The following RBM4 variants were observed in gnomAD, a reference collection of about 807,000 sequenced individuals.
The protein encoded by RBM4 is RNA binding motif protein 4.
Under a neutral mutation model 29.5 loss-of-function variants are expected in RBM4, and 7 were observed. The ratio of observed to expected loss-of-function variants is 0.24; its 90% confidence interval spans 0.14 to 0.45. The LOEUF (loss-of-function observed/expected upper bound fraction) is 0.45, where lower values mean the gene tolerates loss of function less well. RBM4 is among the 20% of genes least tolerant of loss of function. The pLI is 1.00. For missense variants in RBM4, 387 were observed against 502.3 expected, an observed-to-expected ratio of 0.77 and a Z score of 2.19; for synonymous variants, 220 against 205.4, an observed-to-expected ratio of 1.07 and a Z score of -0.61.
chr11:66,662,899 C>T (rs780069530), intron 2 of RBM4, among the ~76,000 whole-genome samples: 10 of 152,136 alleles, frequency 6.6e-5, no homozygotes, highest in East Asian at 3.9e-4. Flanking sequence ...GGAATACTGA[C>T]GCTAACATGA....
rs750444318 is a variant in RBM4, at chr11:66,643,832, C to T, written c.795C>T (p.Thr265=). ...ATACAGCCATGGCCAGTCACCTCAC[C>T]TCCACCTCTCTCGATCCCTACGATA... ...VQNTAMASHL[T]STSLDPYDRH... is the part of the protein sequence containing the mutation. The change falls in exon 3 of 4, where the codon ACC becomes ACT. Residue 265 remains threonine (T), a synonymous_variant. Transcript: ENST00000310092. The surrounding 1 kb of genome is among the most constrained non-coding windows in gnomAD (Gnocchi z 6.1). 1.7e-5 allele frequency: 28 copies of T among 1,613,900 alleles called. No individual in the cohort carries two copies. Among genetic ancestry groups the T allele is most frequent in the Non-Finnish European group, 2.3e-5 (27 of 1,180,012 alleles).
chr11:66,652,083 C>T (rs481296), intron 2 of RBM4, among the ~76,000 whole-genome samples: 102,283 of 151,938 alleles, frequency 0.67, 35,590 homozygotes, highest in South Asian at 0.83. Flanking sequence ...GTGGGTAATA[C>T]GTATAAGAGC....
intron 2 of RBM4, among the ~76,000 whole-genome samples, chr11:66,653,819 C>CTT (rs58736660): frequency 2.2e-5 from 3 of 135,298 alleles, no homozygotes; most frequent in South Asian, 2.3e-4. Context: ...TTTTTTTTTT[C>CTT]TTTTTTTTTT....
At chr11:66,648,337 A>G (rs1035712767), downstream of RBM4, among the ~76,000 whole-genome samples, 2 of 149,100 alleles carry the variant, frequency 1.3e-5, no homozygotes, top group African/African-American at 5.0e-5. Flanking sequence ...CCTGGGCAAC[A>G]TGGTGAAACC....
intron 2 of RBM4, 131 bp downstream of exon 2, chr11:66,640,254 G>A: frequency 8.1e-7 from 1 of 1,233,056 alleles, no homozygotes; most frequent in East Asian, 2.5e-5. Context: ...AAGTGTGGGT[G>A]ATGGACTTCT....
At position 66,643,777 on chromosome 11, in the gene RBM4, A is replaced by G; in HGVS notation, c.740A>G (p.Gln247Arg). The change falls in exon 3 of 4, where the codon CAG (glutamine) becomes CGG (arginine). Residue 247 changes from glutamine (Q) to arginine (R), a missense_variant. By Grantham distance (43) the Gln-to-Arg change is conservative. Around this residue, in one of 2 missense-constraint regions of RBM4, gnomAD observed 281 missense variants for 288.7 expected, o/e 0.97. Transcript: ENST00000310092. This position sits in a 1 kb window ranked among gnomAD's most constrained non-coding sequence, Gnocchi z 6.1. ...GCCTCCGTGTATAATTACGCAGAGC[A>G]GACCCTGTCCCAGCTGCCACAAGTC... ...AAASVYNYAEQTLSQLPQVQN... is the reference protein window; with the variant it reads ...AAASVYNYAERTLSQLPQVQN... The G allele has an allele frequency of 6.2e-7, 1 of 1,614,048 alleles. No homozygotes were observed. Among genetic ancestry groups the G allele is most frequent in the Non-Finnish European group, 8.5e-7 (1 of 1,180,010 alleles).
chr11:66,666,283 C>T, exon 3 of RBM4: 1 of 1,096,436 alleles, frequency 9.1e-7, no homozygotes, highest in Non-Finnish European at 1.1e-6. Flanking sequence ...CCAAGTTCCT[C>T]TACTTATTAC....
chr11:66,649,337 C>A (rs1938776093), downstream of RBM4, among the ~76,000 whole-genome samples: 4 of 152,174 alleles, frequency 2.6e-5, no homozygotes. Flanking sequence ...AAAACTCTAT[C>A]AAGAACAATG....
intron 2 of RBM4, among the ~76,000 whole-genome samples, chr11:66,655,205 C>T (rs1399841637): frequency 6.6e-6 from 1 of 152,014 alleles, no homozygotes; most frequent in African/African-American, 2.4e-5. Flanking sequence ...CTGCTGGTTT[C>T]GAACTCCTGA....
intron 2 of RBM4, among the ~76,000 whole-genome samples, chr11:66,660,105 C>A (rs2135216449): frequency 6.7e-6 from 1 of 149,478 alleles, no homozygotes; most frequent in African/African-American, 2.5e-5. Context: ...CTTGTATACA[C>A]TGAGCTCTTT....
chr11:66,666,423 C>T (rs1171113832), exon 3 of RBM4: 4 of 988,116 alleles, frequency 4.0e-6, no homozygotes, highest in African/African-American at 3.5e-5. Context: ...TTCATCCTGG[C>T]AGCCTCATTA....
At chr11:66,651,739 G>GTT (rs1329972147) in intron 2 of RBM4, among the ~76,000 whole-genome samples, 2 of 152,170 alleles carry the variant, frequency 1.3e-5, no homozygotes, top group East Asian at 3.8e-4. Flanking sequence ...ATTTCTCACA[G>GTT]TTTCGGAGGC....
Position 66,665,382 on chromosome 11 carries a change from G to A in RBM4, c.413-474G>A, listed in dbSNP as rs138375152. 506 of 615,238 alleles carry A rather than the reference G, an allele frequency of 8.2e-4. 6 individuals carry two copies. The East Asian group carries it at 0.012, about 15-fold the overall frequency. The allele number at this position is 615,238 out of a possible 1,614,324, so 38.1% of individuals were successfully genotyped here. A position where few individuals can be genotyped will look rare whatever the true frequency, so the allele number is the denominator to read the frequency against. Reference sequence around the variant, plus strand: ...AGAGGCTGAGAATATAAGGAACAGAGTGAAAGGCTACAGAGACTAGTTTCA... The same window carrying A: ...AGAGGCTGAGAATATAAGGAACAGAATGAAAGGCTACAGAGACTAGTTTCA... On this transcript the variant is annotated intron_variant, in intron 2 of 2. Coordinates refer to the RBM4 transcript ENST00000396053.
chr11:66,645,639 A>C (rs1449553762), intron 3 of RBM4, among the ~76,000 whole-genome samples: 2 of 150,266 alleles, frequency 1.3e-5, no homozygotes, highest in Admixed American at 1.3e-4. Context: ...AAATACTGTT[A>C]ATTTTTTTTT....
chr11:66,662,918 T>C (rs1939112257), intron 2 of RBM4, among the ~76,000 whole-genome samples: 1 of 152,228 alleles, frequency 6.6e-6, no homozygotes, highest in South Asian at 2.1e-4. Context: ...GAGCCTTATG[T>C]ACATCACCAC....
intron 2 of RBM4, chr11:66,665,432 A>C: frequency 1.4e-6 from 1 of 691,028 alleles, no homozygotes; most frequent in South Asian, 1.6e-5. Flanking sequence ...TCAACTTAGA[A>C]GAATTAAGAA....
chr11:66,649,986 T>TTA (rs1938790311), downstream of RBM4: 2 of 520,698 alleles, frequency 3.8e-6, no homozygotes, highest in Admixed American at 3.8e-5. Context: ...TGTATTTCGC[T>TTA]AGGTACTCCC....
chr11:66,640,204 G>T (rs769944802), intron 2 of RBM4, 81 bp downstream of exon 2: 1 of 1,577,888 alleles, frequency 6.3e-7, no homozygotes, highest in South Asian at 1.1e-5. Context: ...GAGAGGTTTG[G>T]TAAAGATAAC....
chr11:66,644,362 C>A, intron 3 of RBM4: 1 of 594,190 alleles, frequency 1.7e-6, no homozygotes, highest in Non-Finnish European at 2.8e-6. Flanking sequence ...TAGTGGGAGT[C>A]AATTTGATTC....
Sources: gnomAD v4.1 joint callset for allele counts (sites outside exome capture counted in the v4.1 genomes callset) on GRCh38, gnomAD v4.1.1 for gene constraint, gnomAD v4.1.1 regional missense constraint, Gnocchi (gnomAD v3.1) non-coding constraint, MANE v1.5 for transcripts, NCBI Gene and HGNC (gene_info 2026-07-23, HGNC 2026-07-21) for gene names.